GRIN2C: variants seen among roughly 807,000 people sequenced by gnomAD.
GRIN2C encodes glutamate ionotropic receptor NMDA type subunit 2C, also known as glutamate receptor ionotropic, NMDA 2C.
A neutral mutation model predicts 77.7 loss-of-function variants in GRIN2C; 64 were observed. That is an observed-to-expected ratio of 0.82 (90% CI 0.67 to 1.01). The LOEUF is 1.01. Ranked by LOEUF, GRIN2C falls within the 50% of genes least tolerant of loss-of-function variation. The probability of loss-of-function intolerance (pLI) is 0.00; values close to 1 mark genes in which losing one functional copy is unlikely to be tolerated. For synonymous variants in GRIN2C, 792 were observed against 643.4 expected (o/e 1.23, Z -3.49); for missense variants, 1,549 against 1,486.0 (o/e 1.04, Z -0.70).
In GRIN2C at chr17:74,852,452, C is replaced by T. The variant is rs368226820; in HGVS notation, c.559G>A (p.Asp187Asn). Residue 187 changes from aspartate to asparagine, a missense_variant, in exon 3 of 13, where the codon GAC becomes AAC. By Grantham distance (23) the Asp-to-Asn change is conservative (BLOSUM62 1). Coordinates refer to ENST00000293190, the MANE Select transcript of GRIN2C (RefSeq NM_000835.6). The stretch of plus-strand genomic sequence containing the variant: ...AGCCGCCAACTCACGTGGCTGGCGT[C>T]GGCGACGGCGCGCACGCCCTCCAGG... The part of the protein sequence containing the change: ...LFLEGVRAVA[D>N]ASHVSWRLLD... The T allele has an allele frequency of 4.5e-6, 7 of 1,545,986 alleles. No individual in the cohort carries two copies. In the African/African-American group the frequency reaches 9.9e-5, roughly 22 times the overall value.
In GRIN2C at chr17:74,846,914, G is replaced by A. The variant is rs775082782; in HGVS notation, c.2008C>T (p.Arg670Trp). ...VSGLSDKKFQ[R>W]PQDQYPPFRF... The stretch of plus-strand genomic sequence containing the variant: ...AAAGGTGGGTACTGATCTTGAGGCC[G>A]CTGAAACTGCAGGCGGAGGGCAGCA... The change falls in exon 10 of 13, where the codon CGG becomes TGG. Residue 670 changes from arginine (R) to tryptophan (W), a missense_variant. Arg to Trp is a moderately radical substitution (Grantham distance 101, BLOSUM62 -3). Coordinates refer to ENST00000293190, the MANE Select transcript of GRIN2C (RefSeq NM_000835.6). This position sits in a 1 kb window ranked among gnomAD's most constrained non-coding sequence, Gnocchi z 4.4. 1.6e-5 allele frequency: 26 copies of A among 1,605,808 alleles called. No individual in the cohort carries two copies. The highest frequency in any genetic ancestry group is 2.7e-5 in the African/African-American group (2 of 74,904).
In GRIN2C at chr17:74,846,365, G is replaced by A. The variant is rs1598475838; in HGVS notation, c.2163-112C>T. ...ATGAGCCTGCTGGGCACCCCCGGGAGGGACCAATGGGCAGAGACTTGTCTG... is the reference window on the plus strand; with the variant it reads ...ATGAGCCTGCTGGGCACCCCCGGGAAGGACCAATGGGCAGAGACTTGTCTG... On this transcript the variant is annotated intron_variant, in intron 10 of 12. Transcript: ENST00000293190. This position sits in a 1 kb window ranked among gnomAD's most constrained non-coding sequence, Gnocchi z 4.4. 1.2e-6 allele frequency: 1 copy of A among 843,520 alleles called. No homozygotes were observed. The highest frequency in any genetic ancestry group is 1.9e-6 in the Non-Finnish European group (1 of 526,722). The allele number at this position is 843,520 out of a possible 1,614,324, so 52.3% of individuals were successfully genotyped here.
At position 74,847,686 on chromosome 17, in the gene GRIN2C, T is replaced by C; in HGVS notation, c.1772-149A>G. On this transcript the variant is annotated intron_variant, in intron 8 of 12. Coordinates refer to ENST00000293190, the MANE Select transcript of GRIN2C (RefSeq NM_000835.6). The surrounding 1 kb of genome is among the most constrained non-coding windows in gnomAD (Gnocchi z 5.2). ...CATTCCCTCGCCAGGTGAAGTGAGC[T>C]CACGTGTGTGTTTCTGTGTGTGTGT... 1.2e-6 allele frequency: 1 copy of C among 863,556 alleles called. No homozygotes were observed. The highest frequency in any genetic ancestry group is 1.6e-5 in the South Asian group (1 of 63,486). 53.5% of individuals were successfully genotyped at this position (863,556 alleles called of 1,614,324 possible). A position where few individuals can be genotyped will look rare whatever the true frequency, so the allele number is the denominator to read the frequency against.
In GRIN2C at chr17:74,847,928, A is replaced by G. The variant is rs772465103; in HGVS notation, c.1695T>C (p.Thr565=). The G allele has an allele frequency of 6.2e-7, 1 of 1,613,924 alleles. No individual in the cohort carries two copies. The highest frequency in any genetic ancestry group is 2.2e-5 in the East Asian group (1 of 44,882). Reference sequence around the variant, plus strand: ...ACATGAAGACGGTGATGGCCACCACAGTGAGGCACATGACAAACATCATCA... The same window carrying G: ...ACATGAAGACGGTGATGGCCACCACGGTGAGGCACATGACAAACATCATCA... ...VWVMMFVMCL[T]VVAITVFMFE... The change falls in exon 8 of 13, where the codon ACT becomes ACC. Residue 565 remains threonine, a synonymous_variant. Transcript: ENST00000293190. This position sits in a 1 kb window ranked among gnomAD's most constrained non-coding sequence, Gnocchi z 5.2.
upstream of GRIN2C, among the ~76,000 whole-genome samples, chr17:74,861,064 G>A (rs755306495): frequency 2.2e-4 from 34 of 152,234 alleles, no homozygotes; most frequent in African/African-American, 4.3e-4. Flanking sequence ...TTGGGTCCGC[G>A]GCAGCCCAGA....
Position 74,847,973 on chromosome 17 carries a change from T to C in GRIN2C, c.1650A>G (p.Pro550=), listed in dbSNP as rs2037517514. The C allele has an allele frequency of 1.2e-6, 2 of 1,613,954 alleles. No individual in the cohort carries two copies. The highest frequency in any genetic ancestry group is 2.7e-5 in the African/African-American group (2 of 74,906). ...TCATCACCCACACTGCAGGGCTATATGGCTCTGGGGACAGAGGGAGGCAGC... is the reference window on the plus strand; with the variant it reads ...TCATCACCCACACTGCAGGGCTATACGGCTCTGGGGACAGAGGGAGGCAGC... The part of the protein sequence containing the change: ...GTVSPSAFLE[P]YSPAVWVMMF... The change falls in exon 8 of 13, where the codon CCA becomes CCG. Residue 550 remains proline (P), a synonymous_variant. Coordinates refer to ENST00000293190, the MANE Select transcript of GRIN2C (RefSeq NM_000835.6). The surrounding 1 kb of genome is among the most constrained non-coding windows in gnomAD (Gnocchi z 5.2).
chr17:74,852,535 T>C lies in GRIN2C; in HGVS notation c.476A>G (p.Glu159Gly). The change falls in exon 3 of 13, where the codon GAG (glutamate) becomes GGG (glycine). Residue 159 changes from glutamate (E) to glycine (G), a missense_variant. This residue lies in a region of GRIN2C where 382 missense variants were observed against 360.0 expected (regional missense o/e 1.06). Coordinates refer to ENST00000293190, the MANE Select transcript of GRIN2C (RefSeq NM_000835.6). ...GACGGCGAAGGCGCTCCAGTCGTAC[T>C]CTTCCAGCACCTTGAACAGCACCTG... ...QLQVLFKVLE[E>G]YDWSAFAVIT... 6.4e-7 allele frequency: 1 copy of C among 1,566,428 alleles called. No homozygotes were observed. Among genetic ancestry groups the C allele is most frequent in the Non-Finnish European group, 8.6e-7 (1 of 1,163,804 alleles).
rs1356852667 is a variant in GRIN2C at position 74,842,270 on chromosome 17, A to G, written c.*165T>C. On this transcript the variant is annotated 3_prime_UTR_variant, in exon 13 of 13. Transcript: ENST00000293190. ...AAAGCCCAGCCCTCACCATGATTTG[A>G]GGCTACTGAGGTCACTGATGACCAT... 1.8e-6 allele frequency: 1 copy of G among 570,418 alleles called. No homozygotes were observed. Among genetic ancestry groups the G allele is most frequent in the Non-Finnish European group, 3.1e-6 (1 of 321,662 alleles). The allele number at this position is 570,418 out of a possible 1,614,324, so 35.3% of individuals were successfully genotyped here.
chr17:74,852,487 T>C lies in GRIN2C; in HGVS notation c.524A>G (p.His175Arg), dbSNP rs779772690. The change falls in exon 3 of 13, where the codon CAC (histidine) becomes CGC (arginine). Residue 175 changes from histidine to arginine, a missense_variant. His to Arg is a conservative substitution (Grantham distance 29). Around this residue, in one of 3 missense-constraint regions of GRIN2C, gnomAD observed 382 missense variants for 360.0 expected, o/e 1.06. Coordinates refer to ENST00000293190, the MANE Select transcript of GRIN2C (RefSeq NM_000835.6). Reference protein sequence around the residue: ...FAVITSLHPGHALFLEGVRAV... With the variant: ...FAVITSLHPGRALFLEGVRAV... The stretch of plus-strand genomic sequence containing the variant: ...GCGCACGCCCTCCAGGAAGAGCGCG[T>C]GGCCCGGGTGCAGGCTGGTGATGAC... 5 of 1,566,692 alleles carry C rather than the reference T, an allele frequency of 3.2e-6. No homozygotes were observed. The highest frequency in any genetic ancestry group is 2.8e-5 in the African/African-American group (2 of 70,918).
chr17:74,851,286 C>G (rs2037634863), intron 4 of GRIN2C: 2 of 398,812 alleles, frequency 5.0e-6, no homozygotes, highest in South Asian at 9.1e-5. Flanking sequence ...GCCTGTCTGG[C>G]CAGCATGGTC....
At chr17:74,844,070 C>T (rs1368292585) in intron 12 of GRIN2C, 9 of 1,021,524 alleles carry the variant, frequency 8.8e-6, no homozygotes, top group South Asian at 3.5e-5. Flanking sequence ...GATGGGTTTT[C>T]GCCATGTTGC....
chr17:74,852,284 C>A lies in GRIN2C; in HGVS notation c.727G>T (p.Ala243Ser). ...ACGTGGCCGGGCCCCACCAGACCGG[C>A]CTGCGCCGCCTCGGCGAAGAGCACC... The part of the protein sequence containing the change: ...AEVLFAEAAQ[A>S]GLVGPGHVWL... The change falls in exon 3 of 13, where the codon GCC becomes TCC. Residue 243 changes from alanine (A) to serine (S), a missense_variant. Physicochemically the swap from Ala to Ser is moderately conservative, Grantham distance 99. Transcript: ENST00000293190. 1 of 1,420,404 alleles carries A rather than the reference C, an allele frequency of 7.0e-7. No homozygotes were observed. 88.0% of individuals were successfully genotyped at this position (1,420,404 alleles called of 1,614,324 possible). A position where few individuals can be genotyped will look rare whatever the true frequency, so the allele number is the denominator to read the frequency against.
At position 74,847,873 on chromosome 17, in the gene GRIN2C, G is replaced by T. The variant is rs778614339; in HGVS notation, c.1750C>A (p.Gln584Lys). ...FEYFSPVSYN[Q>K]NLTRGKKSGG... ...TTACTCTTGCCTCTGGTGAGGTTCT[G>T]GTTGTAGCTGACAGGGCTGAAGTAC... The change falls in exon 8 of 13, where the codon CAG (glutamine) becomes AAG (lysine). Residue 584 changes from glutamine (Q) to lysine (K), a missense_variant. Coordinates refer to ENST00000293190, the MANE Select transcript of GRIN2C (RefSeq NM_000835.6). This position sits in a 1 kb window ranked among gnomAD's most constrained non-coding sequence, Gnocchi z 5.2. 8 of 1,614,060 alleles carry T rather than the reference G, an allele frequency of 5.0e-6. No individual in the cohort carries two copies. Among genetic ancestry groups the T allele is most frequent in the Non-Finnish European group, 6.8e-6 (8 of 1,179,978 alleles).
intron 11 of GRIN2C, among the ~76,000 whole-genome samples, chr17:74,845,424 C>T (rs1225666825): frequency 2.0e-5 from 3 of 151,982 alleles, no homozygotes; most frequent in African/African-American, 7.3e-5. Context: ...GCCACCATGC[C>T]TGGCTAATTT....
chr17:74,845,789 C>G (rs2037435610), intron 11 of GRIN2C, among the ~76,000 whole-genome samples: 1 of 152,088 alleles, frequency 6.6e-6, no homozygotes, highest in African/African-American at 2.4e-5. Context: ...GCCACTCCAC[C>G]CATCCCCACC....
In GRIN2C at chr17:74,846,886, C is replaced by G. The variant is rs754283682; in HGVS notation, c.2036G>C (p.Arg679Pro). 1 of 1,613,896 alleles carries G rather than the reference C, an allele frequency of 6.2e-7. No homozygotes were observed. Among genetic ancestry groups the G allele is most frequent in the Admixed American group, 1.7e-5 (1 of 60,008 alleles). ...QRPQDQYPPFRFGTVPNGSTE... is the reference protein window; with the variant it reads ...QRPQDQYPPFPFGTVPNGSTE... ...GCTGCCGTTGGGCACCGTGCCGAAG[C>G]GGAAAGGTGGGTACTGATCTTGAGG... The change falls in exon 10 of 13, where the codon CGC becomes CCC. Residue 679 changes from arginine (R) to proline (P), a missense_variant. By Grantham distance (103) the Arg-to-Pro change is moderately radical. Around this residue, in one of 3 missense-constraint regions of GRIN2C, gnomAD observed 717 missense variants for 858.1 expected, o/e 0.84. Coordinates refer to ENST00000293190, the MANE Select transcript of GRIN2C (RefSeq NM_000835.6). The surrounding 1 kb of genome is among the most constrained non-coding windows in gnomAD (Gnocchi z 4.4).
In GRIN2C at chr17:74,859,400, G is replaced by A. The variant is rs1174676715; in HGVS notation, c.-16+344C>T. 3.3e-5 allele frequency among the ~76,000 whole-genome samples: 5 copies of A among 151,864 alleles called. No homozygotes were observed. Among genetic ancestry groups the A allele is most frequent in the Non-Finnish European group, 5.9e-5 (4 of 67,960 alleles). ...GACCTGCACACACATGCACACTCCC[G>A]CACTCATACCCGCTCACATCTGAGA... On this transcript the variant is annotated intron_variant, in intron 1 of 12. Coordinates refer to ENST00000293190, the MANE Select transcript of GRIN2C (RefSeq NM_000835.6). The surrounding 1 kb of genome is among the most constrained non-coding windows in gnomAD (Gnocchi z 5.9).
At position 74,847,716 on chromosome 17, in the gene GRIN2C, TCTGA is replaced by T. The variant is rs1467875390; in HGVS notation, c.1771+132_1771+135del. ...TGTGTGTTTCTGTGTGTGTGTGTCA[TCTGA>T]CTGGCCCCCAGCATGTGCCATCCAA... On this transcript the variant is annotated intron_variant, in intron 8 of 12. Coordinates refer to ENST00000293190, the MANE Select transcript of GRIN2C (RefSeq NM_000835.6). The surrounding 1 kb of genome is among the most constrained non-coding windows in gnomAD (Gnocchi z 5.2). The T allele has an allele frequency of 2.2e-5, 20 of 910,806 alleles. No individual in the cohort carries two copies. The highest frequency in any genetic ancestry group is 3.1e-5 in the Non-Finnish European group (18 of 587,204). The allele number at this position is 910,806 out of a possible 1,614,324, so 56.4% of individuals were successfully genotyped here.
At chr17:74,858,072 G>T (rs956084275) in intron 1 of GRIN2C, among the ~76,000 whole-genome samples, 1 of 152,044 alleles carries the variant, frequency 6.6e-6, no homozygotes, top group Non-Finnish European at 1.5e-5. Context: ...TCCCTCAACT[G>T]CAAAGGGGCA....
Sources: gnomAD v4.1 joint callset for allele counts (sites outside exome capture counted in the v4.1 genomes callset) on GRCh38, gnomAD v4.1.1 for gene constraint, gnomAD v4.1.1 regional missense constraint, Gnocchi (gnomAD v3.1) non-coding constraint, MANE v1.5 for transcripts, NCBI Gene and HGNC (gene_info 2026-07-23, HGNC 2026-07-21) for gene names.